Variants in RTKN2 observed in about 807,000 individuals in gnomAD.
RTKN2 encodes rhotekin-2.
RTKN2 carries 69 observed loss-of-function variants against 71.5 expected under a neutral mutation model. The observed-to-expected ratio is 0.96, with a 90% CI of 0.79 to 1.18. The LOEUF is 1.18. RTKN2 is among the 50% of genes most tolerant of loss of function. RTKN2 has a pLI of 0.00. For synonymous variants in RTKN2, 236 were observed against 236.5 expected, an observed-to-expected ratio of 1.00 and a Z score of 0.02; for missense variants, 724 against 719.7, an observed-to-expected ratio of 1.01 and a Z score of -0.07.
intron 8 of RTKN2, chr10:62,184,407 A>T: frequency 2.9e-6 from 4 of 1,400,524 alleles, no homozygotes; most frequent in Non-Finnish European, 3.9e-6. Context: ...AAAAAAAATC[A>T]CCTTTAGTCA....
chr10:62,262,361 C>T (rs1414875110), intron 2 of RTKN2, among the ~76,000 whole-genome samples: 1 of 152,156 alleles, frequency 6.6e-6, no homozygotes, highest in Non-Finnish European at 1.5e-5. Context: ...GTACTTTCTT[C>T]TTAAAATGCT....
At chr10:62,260,874 A>G (rs1842759984) in intron 2 of RTKN2, among the ~76,000 whole-genome samples, 1 of 152,240 alleles carries the variant, frequency 6.6e-6, no homozygotes, top group South Asian at 2.1e-4. Flanking sequence ...TTCTAAAATC[A>G]GGGCTTCTCA....
At chr10:62,206,346 C>T (rs550375093) in intron 9 of RTKN2, among the ~76,000 whole-genome samples, 1 of 152,212 alleles carries the variant, frequency 6.6e-6, no homozygotes, top group Admixed American at 6.5e-5. Flanking sequence ...TACAGTCACA[C>T]ACCAAAACCC....
chr10:62,267,110 T>C (rs1402880945), intron 1 of RTKN2, among the ~76,000 whole-genome samples: 1 of 152,230 alleles, frequency 6.6e-6, no homozygotes, highest in East Asian at 1.9e-4. Flanking sequence ...TCAATATTCC[T>C]GTTAGGTTGC....
In RTKN2 at chr10:62,268,673, C is replaced by T; in HGVS notation, c.-63G>A. The T allele has an allele frequency of 2.0e-6, 3 of 1,509,234 alleles. No homozygotes were observed. Among genetic ancestry groups the T allele is most frequent in the Non-Finnish European group, 2.7e-6 (3 of 1,115,002 alleles). The allele number at this position is 1,509,234 out of a possible 1,614,324, so 93.5% of individuals were successfully genotyped here. On this transcript the variant is annotated 5_prime_UTR_variant, in exon 1 of 12. Coordinates refer to ENST00000373789, the MANE Select transcript of RTKN2 (RefSeq NM_145307.4). ...AAAGGGAAGATTTGAAAAGCCCGCC[C>T]CTGGCAGGAGCCGCAGAGGACGCCA... is the stretch of plus-strand genomic sequence containing the variant.
chr10:62,268,250 A>G (rs2133124249), intron 1 of RTKN2, among the ~76,000 whole-genome samples: 1 of 152,320 alleles, frequency 6.6e-6, no homozygotes, highest in Middle Eastern at 3.4e-3. Flanking sequence ...TACACCTGCA[A>G]AAAGACAGGC....
At chr10:62,199,185 A>G (rs936372233) in intron 11 of RTKN2, among the ~76,000 whole-genome samples, 1 of 152,260 alleles carries the variant, frequency 6.6e-6, no homozygotes, top group South Asian at 2.1e-4. Context: ...AACAGAATTT[A>G]GACTGACTTG....
rs1841277532 is a variant in RTKN2, at chr10:62,194,149, A to G, written c.*3759T>C. The stretch of plus-strand genomic sequence containing the variant: ...ACCCATATTAAAAAATAAAAATTAT[A>G]AACAAAGCCAATTACACAAGCATGT... On this transcript the variant is annotated 3_prime_UTR_variant, in exon 12 of 12. Transcript: ENST00000373789. 1 of 976,952 alleles carries G rather than the reference A, an allele frequency of 1.0e-6. No homozygotes were observed. Among genetic ancestry groups the G allele is most frequent in the Admixed American group, 6.2e-5 (1 of 16,234 alleles). 60.5% of individuals were successfully genotyped at this position (976,952 alleles called of 1,614,324 possible). A position where few individuals can be genotyped will look rare whatever the true frequency, so the allele number is the denominator to read the frequency against.
chr10:62,223,092 G>C (rs1367543333), intron 7 of RTKN2, 146 bp downstream of exon 7: 2 of 487,064 alleles, frequency 4.1e-6, no homozygotes, highest in African/African-American at 4.0e-5. Flanking sequence ...TTTCTCCTTT[G>C]GGGAAGAGGG....
At chr10:62,261,774 G>A (rs1440150568) in intron 2 of RTKN2, among the ~76,000 whole-genome samples, 1 of 152,096 alleles carries the variant, frequency 6.6e-6, no homozygotes, top group Non-Finnish European at 1.5e-5. Context: ...AGAAATCTCA[G>A]ACTCTGACTG....
chr10:62,239,697 T>G lies in RTKN2; in HGVS notation c.439A>C (p.Asn147His). 1 of 1,583,116 alleles carries G rather than the reference T, an allele frequency of 6.3e-7. No homozygotes were observed. Residue 147 changes from asparagine (N) to histidine (H), a missense_variant, in exon 5 of 12, where the codon AAT becomes CAT. By Grantham distance (68) the Asn-to-His change is moderately conservative (BLOSUM62 1). Coordinates refer to ENST00000373789, the MANE Select transcript of RTKN2 (RefSeq NM_145307.4). Reference sequence around the variant, plus strand: ...ATATCTGTGATTGTTTTATCCACATTCACCACATCAGTATCAAACACATTA... The same window carrying G: ...ATATCTGTGATTGTTTTATCCACATGCACCACATCAGTATCAAACACATTA... ...GANVFDTDVV[N>H]VDKTITDICF...
At chr10:62,262,219 T>C (rs1448937652) in intron 2 of RTKN2, among the ~76,000 whole-genome samples, 2 of 152,240 alleles carry the variant, frequency 1.3e-5, no homozygotes, top group Non-Finnish European at 1.5e-5. Flanking sequence ...CATAAGGTTT[T>C]ATCTCTTTAT....
chr10:62,198,758 AG>A (rs1424566168), intron 11 of RTKN2, among the ~76,000 whole-genome samples: 2 of 152,160 alleles, frequency 1.3e-5, no homozygotes, highest in African/African-American at 4.8e-5. Flanking sequence ...CATCTTTCAA[AG>A]AAGTGGAGTT....
chr10:62,206,932 C>T (rs1841560471), intron 9 of RTKN2, among the ~76,000 whole-genome samples: 2 of 151,848 alleles, frequency 1.3e-5, no homozygotes, highest in African/African-American at 2.4e-5. Context: ...ATGACTTAAG[C>T]TCTAGGAAGA....
chr10:62,186,701 G>C (rs890616567), intron 8 of RTKN2, among the ~76,000 whole-genome samples: 1 of 152,080 alleles, frequency 6.6e-6, no homozygotes, highest in Non-Finnish European at 1.5e-5. Flanking sequence ...CTAAAAGTAT[G>C]ACATTGTACA....
intron 1 of RTKN2, among the ~76,000 whole-genome samples, chr10:62,263,488 G>A (rs1842814115): frequency 6.6e-6 from 1 of 152,128 alleles, no homozygotes; most frequent in African/African-American, 2.4e-5. Context: ...TTGGTCATTT[G>A]TTATAGCAGC....
chr10:62,193,623 C>G lies in RTKN2; in HGVS notation c.*4285G>C, dbSNP rs182384824. 1.6e-5 allele frequency: 16 copies of G among 985,162 alleles called. No homozygotes were observed. Among genetic ancestry groups the G allele is most frequent in the Non-Finnish European group, 1.9e-5 (16 of 829,890 alleles). The allele number at this position is 985,162 out of a possible 1,614,324, so 61.0% of individuals were successfully genotyped here. A position where few individuals can be genotyped will look rare whatever the true frequency, so the allele number is the denominator to read the frequency against. On this transcript the variant is annotated 3_prime_UTR_variant, in exon 12 of 12. Transcript: ENST00000373789. ...GCCAGGATTGCTCATTTCTCTCCCCCACTCTGAGGCGCTCTGCAGGAATAA... is the reference window on the plus strand; with the variant it reads ...GCCAGGATTGCTCATTTCTCTCCCCGACTCTGAGGCGCTCTGCAGGAATAA...
intron 3 of RTKN2, among the ~76,000 whole-genome samples, 200 bp downstream of exon 3, chr10:62,245,799 A>G (rs567749855): frequency 1.1e-4 from 15 of 136,736 alleles, no homozygotes; most frequent in Non-Finnish European, 2.4e-4. Context: ...AGTATGTAAC[A>G]TATGAAACAG....
In RTKN2 at chr10:62,199,762, T is replaced by C. The variant is rs2132802294; in HGVS notation, c.1286A>G (p.His429Arg). The C allele has an allele frequency of 6.2e-7, 1 of 1,602,322 alleles. No homozygotes were observed. Among genetic ancestry groups the C allele is most frequent in the East Asian group, 2.2e-5 (1 of 44,786 alleles). ...AGACAAACCCCACTTACTCATATCATGGTAGACTGAGGTTGCCTCTTTTGT... is the reference window on the plus strand; with the variant it reads ...AGACAAACCCCACTTACTCATATCACGGTAGACTGAGGTTGCCTCTTTTGT... ...FLTKEATSVY[H>R]DMSIDSPMKL... The change falls in exon 11 of 12, where the codon CAT (histidine) becomes CGT (arginine). Residue 429 changes from histidine to arginine, a missense_variant. Transcript: ENST00000373789.
Sources: gnomAD v4.1 joint callset for allele counts (sites outside exome capture counted in the v4.1 genomes callset) on GRCh38, gnomAD v4.1.1 for gene constraint, MANE v1.5 for transcripts, NCBI Gene and HGNC (gene_info 2026-07-23, HGNC 2026-07-21) for gene names.